The following TMEM230 variants were observed in gnomAD, a reference collection of about 807,000 sequenced individuals.
TMEM230 encodes the protein transmembrane protein 230.
In TMEM230, 10 loss-of-function variants were observed where a neutral mutation model predicts 15.8. The observed-to-expected ratio is 0.63, with a 90% CI of 0.39 to 1.07. The LOEUF is 1.07. Among genes scored for constraint, TMEM230 ranks in the 50% least tolerant of loss-of-function variants. The pLI, the probability that TMEM230 is intolerant of heterozygous loss-of-function variation, is 0.01. For synonymous variants in TMEM230, 67 were observed against 76.9 expected, an observed-to-expected ratio of 0.87 and a Z score of 0.68; for missense variants, 165 against 193.3, an observed-to-expected ratio of 0.85 and a Z score of 0.87.
At chr20:5,105,735 C>T (rs1380140350) in intron 4 of TMEM230, among the ~76,000 whole-genome samples, 1 of 151,738 alleles carries the variant, frequency 6.6e-6, no homozygotes, top group East Asian at 1.9e-4. Context: ...ACTATGTACC[C>T]ATAAAAATTG....
At chr20:5,095,620 GC>G (rs1358499220), downstream of TMEM230, among the ~76,000 whole-genome samples, 1 of 152,188 alleles carries the variant, frequency 6.6e-6, no homozygotes. Context: ...CATTGGCACT[GC>G]CTGAGGAGGT....
rs188184919 is a variant in TMEM230 at position 5,113,045 on chromosome 20, G to A, written c.-17C>T. 1.1e-4 allele frequency: 163 copies of A among 1,544,372 alleles called. 1 individual carries two copies. The East Asian group carries it at 1.3e-3, about 12-fold the overall frequency. On this transcript the variant is annotated 5_prime_UTR_variant, in exon 1 of 5. Transcript: ENST00000342308. ...AGGTTGCATGGCATGGCCCGCTTAA[G>A]TGCCACTCAGCCGGCCCCAGGCGGG...
At chr20:5,110,041 T>G (rs1232902280) in intron 2 of TMEM230, among the ~76,000 whole-genome samples, 2 of 151,968 alleles carry the variant, frequency 1.3e-5, no homozygotes, top group Admixed American at 1.3e-4. Flanking sequence ...ATTTGTGGGG[T>G]TTTTTTGTTG....
downstream of TMEM230, among the ~76,000 whole-genome samples, chr20:5,064,155 T>C (rs1006345314): frequency 1.3e-5 from 2 of 152,056 alleles, no homozygotes; most frequent in African/African-American, 4.8e-5. Context: ...TAGTCCCAGC[T>C]ACTCGGGAGG....
intron 2 of TMEM230, among the ~76,000 whole-genome samples, chr20:5,110,308 A>G (rs1270451944): frequency 6.8e-6 from 1 of 148,000 alleles, no homozygotes; most frequent in Non-Finnish European, 1.5e-5. Flanking sequence ...TTTCTTTGCG[A>G]TAGTCTCACT....
intron 3 of TMEM230, among the ~76,000 whole-genome samples, chr20:5,081,176 G>A (rs2089163105): frequency 6.6e-6 from 1 of 152,220 alleles, no homozygotes; most frequent in Non-Finnish European, 1.5e-5. Flanking sequence ...AGAAAGAGGA[G>A]AATTAGAGAG....
chr20:5,067,748 C>T (rs935289799), downstream of TMEM230, among the ~76,000 whole-genome samples: 23 of 84,934 alleles, frequency 2.7e-4, no homozygotes, highest in African/African-American at 9.6e-4. Context: ...GCCTCCCCAC[C>T]CAGCCCCCCT....
At chr20:5,084,368 C>T (rs1333577869) in intron 3 of TMEM230, among the ~76,000 whole-genome samples, 1 of 151,332 alleles carries the variant, frequency 6.6e-6, no homozygotes, top group African/African-American at 2.4e-5. Context: ...GGACTACAGG[C>T]GTACGCCACC....
intron 3 of TMEM230, among the ~76,000 whole-genome samples, chr20:5,079,413 T>A (rs1375983661): frequency 6.6e-6 from 1 of 152,242 alleles, no homozygotes; most frequent in Non-Finnish European, 1.5e-5. Context: ...ATTCCCCCAC[T>A]CCTTCTATGT....
At position 5,112,794 on chromosome 20, in the gene TMEM230, C is replaced by G. The variant is rs16990615; in HGVS notation, c.68+167G>C. 1.0e-3 allele frequency: 1,549 copies of G among 1,499,576 alleles called. 13 individuals carry two copies. The African/African-American group carries it at 0.018, about 18-fold the overall frequency. The allele number at this position is 1,499,576 out of a possible 1,614,324, so 92.9% of individuals were successfully genotyped here. ...AAATAAGAACCGACGCGAATTTAGACGTAAAACAAACAAAACGGGCTTCTG... is the reference window on the plus strand; with the variant it reads ...AAATAAGAACCGACGCGAATTTAGAGGTAAAACAAACAAAACGGGCTTCTG... On this transcript the variant is annotated intron_variant, in intron 1 of 4. Transcript: ENST00000342308.
intron 3 of TMEM230, among the ~76,000 whole-genome samples, chr20:5,085,454 A>C (rs2089307149): frequency 6.6e-6 from 1 of 151,972 alleles, no homozygotes; most frequent in Non-Finnish European, 1.5e-5. Context: ...ATGCCCTGCT[A>C]ATTTTTGTAT....
intron 3 of TMEM230, among the ~76,000 whole-genome samples, chr20:5,075,360 C>T (rs536906855): frequency 1.6e-3 from 244 of 151,638 alleles, no homozygotes; most frequent in African/African-American, 5.1e-3. Context: ...CCACCGCGCC[C>T]GGCCTAAAAT....
intron 3 of TMEM230, among the ~76,000 whole-genome samples, chr20:5,107,291 A>C (rs1203571086): frequency 6.6e-6 from 1 of 152,300 alleles, no homozygotes; most frequent in Admixed American, 6.5e-5. Context: ...ACAGAGCCAG[A>C]GCCTGTTTCA....
At chr20:5,089,190 C>T (rs998502915) in intron 3 of TMEM230, among the ~76,000 whole-genome samples, 1 of 151,626 alleles carries the variant, frequency 6.6e-6, no homozygotes, top group East Asian at 1.9e-4. Context: ...CTGGCTAACA[C>T]GGTGAAACCC....
intron 3 of TMEM230, among the ~76,000 whole-genome samples, chr20:5,072,335 C>T (rs2122549086): frequency 6.6e-6 from 1 of 152,248 alleles, no homozygotes; most frequent in South Asian, 2.1e-4. Flanking sequence ...TACAAACAAG[C>T]ATGAGCCTCC....
chr20:5,099,220 AAATAAATAAATAAATC>A (rs1387554711), downstream of TMEM230, among the ~76,000 whole-genome samples: 150 of 105,470 alleles, frequency 1.4e-3, no homozygotes, highest in African/African-American at 3.2e-3. Flanking sequence ...ATAAATAAAT[AAATAAATAAATAAATC>A]AATCAATCAA....
chr20:5,103,639 AAAAAC>A (rs1177019094), intron 4 of TMEM230, among the ~76,000 whole-genome samples: 1 of 151,786 alleles, frequency 6.6e-6, no homozygotes, highest in African/African-American at 2.4e-5. Context: ...TCAAAAAAAA[AAAAAC>A]AAACAAAAAA....
intron 3 of TMEM230, among the ~76,000 whole-genome samples, chr20:5,085,331 C>T (rs1196508058): frequency 1.3e-5 from 2 of 152,096 alleles, no homozygotes; most frequent in Admixed American, 6.6e-5. Flanking sequence ...CTCTGTCACC[C>T]AGGCTGGAGT....
intron 3 of TMEM230, among the ~76,000 whole-genome samples, chr20:5,086,054 G>C (rs1385110484): frequency 6.6e-6 from 1 of 152,002 alleles, no homozygotes; most frequent in Non-Finnish European, 1.5e-5. Context: ...TATACATTTA[G>C]GTTCATGTGC....
Sources: gnomAD v4.1 joint callset for allele counts (sites outside exome capture counted in the v4.1 genomes callset) on GRCh38, gnomAD v4.1.1 for gene constraint, MANE v1.5 for transcripts, NCBI Gene and HGNC (gene_info 2026-07-23, HGNC 2026-07-21) for gene names.